XRCC4: variants seen among roughly 807,000 people sequenced by gnomAD.
The protein encoded by XRCC4 is DNA repair protein XRCC4.
In XRCC4, 28 loss-of-function variants were observed where a neutral mutation model predicts 39.1. The ratio of observed to expected loss-of-function variants is 0.72; its 90% confidence interval spans 0.53 to 0.98. The LOEUF (loss-of-function observed/expected upper bound fraction) is 0.98. Ranked by LOEUF, XRCC4 falls within the 50% of genes least tolerant of loss-of-function variation. The pLI is 0.00. For synonymous variants in XRCC4, 123 were observed against 126.4 expected, an observed-to-expected ratio of 0.97 and a Z score of 0.18; for missense variants, 350 against 376.4, an observed-to-expected ratio of 0.93 and a Z score of 0.58.
intron 3 of XRCC4, among the ~76,000 whole-genome samples, chr5:83,151,477 A>AT (rs1198158351): frequency 2.0e-5 from 3 of 152,246 alleles, no homozygotes; most frequent in South Asian, 4.2e-4. Flanking sequence ...ATTCATAAAG[A>AT]TTTTTTGTCA....
rs531994315 is a variant in XRCC4, at chr5:83,299,917, G to A, written c.893+41240G>A. ...TTGTTTCTACTATTCTTACTTATGTGCTTTGCCTCTTTATGAGTGAAGTGA... is the reference window on the plus strand; with the variant it reads ...TTGTTTCTACTATTCTTACTTATGTACTTTGCCTCTTTATGAGTGAAGTGA... On this transcript the variant is annotated intron_variant, in intron 7 of 7. Transcript: ENST00000396027. Among the ~76,000 whole-genome samples the A allele has an allele frequency of 2.2e-4, 34 of 152,102 alleles. 2 individuals carry two copies. Among genetic ancestry groups the A allele is most frequent in the African/African-American group, 8.2e-4 (34 of 41,514 alleles).
chr5:83,326,609 A>G (rs1333844726), intron 7 of XRCC4, among the ~76,000 whole-genome samples: 1 of 152,016 alleles, frequency 6.6e-6, no homozygotes, highest in Non-Finnish European at 1.5e-5. Flanking sequence ...GAACTACAAT[A>G]TGGTTTATTT....
chr5:83,146,271 AT>A (rs1489937955), intron 3 of XRCC4, among the ~76,000 whole-genome samples: 1 of 152,186 alleles, frequency 6.6e-6, no homozygotes, highest in Non-Finnish European at 1.5e-5. Context: ...TAATGGTGAG[AT>A]TTGTGAGACT....
At chr5:83,079,546 T>C (rs1279868054) in intron 1 of XRCC4, among the ~76,000 whole-genome samples, 1 of 152,192 alleles carries the variant, frequency 6.6e-6, no homozygotes, top group South Asian at 2.1e-4. Flanking sequence ...TTTTTATTTT[T>C]GAGACAGGAT....
intron 7 of XRCC4, among the ~76,000 whole-genome samples, chr5:83,352,181 A>T (rs1328839392): frequency 6.6e-6 from 1 of 152,176 alleles, no homozygotes; most frequent in Non-Finnish European, 1.5e-5. Flanking sequence ...CCTGACTTCA[A>T]GTCCCATGCT....
intron 7 of XRCC4, among the ~76,000 whole-genome samples, chr5:83,263,197 G>T (rs1415849452): frequency 6.6e-6 from 1 of 150,628 alleles, no homozygotes; most frequent in Non-Finnish European, 1.5e-5. Context: ...TGGCTGCATA[G>T]TATTCCATGG....
chr5:83,276,199 A>G (rs757466378), intron 7 of XRCC4, among the ~76,000 whole-genome samples: 1 of 152,224 alleles, frequency 6.6e-6, no homozygotes, highest in Non-Finnish European at 1.5e-5. Context: ...CACAGAGCCT[A>G]TTTTAATAAT....
the XRCC4 span, among the ~76,000 whole-genome samples, chr5:83,361,965 CT>C: frequency 2.0e-5 from 3 of 152,110 alleles, no homozygotes; most frequent in Admixed American, 6.6e-5. Flanking sequence ...CCTCTCCTCT[CT>C]GCTTTCCCAC....
At chr5:83,093,345 C>A (rs566231275) in intron 1 of XRCC4, among the ~76,000 whole-genome samples, 1 of 152,264 alleles carries the variant, frequency 6.6e-6, no homozygotes, top group South Asian at 2.1e-4. Context: ...CAGAGATAGA[C>A]TGTAATACAA....
At chr5:83,339,587 C>T (rs999370047) in intron 7 of XRCC4, among the ~76,000 whole-genome samples, 2 of 151,692 alleles carry the variant, frequency 1.3e-5, no homozygotes, top group African/African-American at 4.8e-5. Context: ...GTAACAAACC[C>T]GCACATTCTG....
chr5:83,334,842 G>A (rs1360426038), intron 7 of XRCC4, among the ~76,000 whole-genome samples: 2 of 151,970 alleles, frequency 1.3e-5, no homozygotes, highest in African/African-American at 2.4e-5. Flanking sequence ...ACTGGGATCT[G>A]TATAGGATTT....
At chr5:83,209,339 A>G (rs1336779528) in intron 6 of XRCC4, among the ~76,000 whole-genome samples, 1 of 152,098 alleles carries the variant, frequency 6.6e-6, no homozygotes, top group Non-Finnish European at 1.5e-5. Flanking sequence ...CAACACCACC[A>G]CATGCAATTG....
intron 7 of XRCC4, among the ~76,000 whole-genome samples, chr5:83,266,100 A>T (rs1235794559): frequency 1.3e-5 from 2 of 151,978 alleles, no homozygotes; most frequent in African/African-American, 4.8e-5. Context: ...GCTTGATAAT[A>T]GTTATTGTTT....
chr5:83,175,061 T>C (rs1163146022), intron 3 of XRCC4, among the ~76,000 whole-genome samples: 1 of 152,206 alleles, frequency 6.6e-6, no homozygotes, highest in Non-Finnish European at 1.5e-5. Context: ...CAAGTTTTCT[T>C]GTAGCATTCT....
intron 2 of XRCC4, among the ~76,000 whole-genome samples, chr5:83,106,359 TATG>T (rs1002615404): frequency 5.9e-5 from 9 of 152,136 alleles, no homozygotes; most frequent in African/African-American, 2.2e-4. Flanking sequence ...TGGTTGCTTG[TATG>T]TAAGGAATAC....
At chr5:83,235,632 G>A (rs1452476143) in intron 6 of XRCC4, among the ~76,000 whole-genome samples, 4 of 151,928 alleles carry the variant, frequency 2.6e-5, no homozygotes, top group African/African-American at 9.7e-5. Context: ...AAAAACAAAA[G>A]TCTTTTCTTT....
chr5:83,211,368 T>C (rs931034633), intron 6 of XRCC4, among the ~76,000 whole-genome samples: 4 of 152,196 alleles, frequency 2.6e-5, no homozygotes, highest in Non-Finnish European at 4.4e-5. Flanking sequence ...ACCAGCAGCA[T>C]TGTCAGTAGA....
At chr5:83,100,768 G>A (rs9293329) in intron 1 of XRCC4, among the ~76,000 whole-genome samples, 10,573 of 147,408 alleles carry the variant, frequency 0.072, 545 homozygotes, top group Non-Finnish European at 0.1. Flanking sequence ...TGTAAGCCTT[G>A]AACTATATGT....
chr5:83,244,845 A>C (rs1199333564), intron 6 of XRCC4, among the ~76,000 whole-genome samples: 3 of 152,218 alleles, frequency 2.0e-5, no homozygotes, highest in Admixed American at 1.3e-4. Context: ...GTGGAAAACC[A>C]GTAATTTCTT....
Sources: allele counts gnomAD v4.1 joint callset (sites outside exome capture counted in the v4.1 genomes callset), GRCh38; gene constraint gnomAD v4.1.1; transcripts MANE v1.5; gene names NCBI Gene and HGNC (gene_info 2026-07-23, HGNC 2026-07-21).